Variants in SCRIB observed in about 807,000 individuals in gnomAD.
The protein encoded by SCRIB is protein scribble homolog.
In SCRIB, 72 loss-of-function variants were observed where a neutral mutation model predicts 170.0. The observed-to-expected ratio is 0.42, with a 90% CI of 0.35 to 0.52. The LOEUF (loss-of-function observed/expected upper bound fraction) is 0.52, where lower values mean the gene tolerates loss of function less well. Among genes scored for constraint, SCRIB ranks in the 20% least tolerant of loss-of-function variants. SCRIB has a pLI of 0.02. For missense variants in SCRIB, 2,475 were observed against 2,338.5 expected, an observed-to-expected ratio of 1.06 and a Z score of -1.20; for synonymous variants, 1,298 against 1,044.3, an observed-to-expected ratio of 1.24 and a Z score of -4.68.
intron 29 of SCRIB, 36 bp from the exon 30 acceptor site, chr8:143,792,903 C>T (rs1460625923): frequency 6.7e-6 from 10 of 1,500,074 alleles, no homozygotes; most frequent in Non-Finnish European, 8.9e-6. Context: ...GGCTGGCATT[C>T]CTCCGAGATA....
rs530073620 is a variant in SCRIB, at chr8:143,808,851, C to T, written c.1873G>A (p.Val625Ile). 18 of 1,610,562 alleles carry T rather than the reference C, an allele frequency of 1.1e-5. No homozygotes were observed. Among genetic ancestry groups the T allele is most frequent in the Admixed American group, 1.7e-5 (1 of 60,006 alleles). ...TGCATGCCCTGCAGCAGAGCCACAACGGCCTCGGGCTGGGGCAGCTTGGAG... is the reference window on the plus strand; with the variant it reads ...TGCATGCCCTGCAGCAGAGCCACAATGGCCTCGGGCTGGGGCAGCTTGGAG... The part of the protein sequence containing the change: ...KISKLPQPEA[V>I]VALLQGMQPD... Residue 625 changes from valine to isoleucine, a missense_variant, in exon 15 of 37, where the codon GTT becomes ATT. Coordinates refer to ENST00000356994, the MANE Select transcript of SCRIB (RefSeq NM_182706.5).
chr8:143,791,224 A>G lies in SCRIB; in HGVS notation c.4907T>C (p.Leu1636Pro). The stretch of plus-strand genomic sequence containing the variant: ...CCTTACGGGGCGGCGGCTGCTGCAC[A>G]GTGCCACATCTTCAGGGCCCACAGC... Reference protein sequence around the residue: ...PGAVGPEDVALCSSRRPVRPG... With the variant: ...PGAVGPEDVAPCSSRRPVRPG... Residue 1636 changes from leucine to proline, a missense_variant, in exon 37 of 37, where the codon CTG becomes CCG. Physicochemically the swap from Leu to Pro is moderately conservative, Grantham distance 98. This residue lies in a region of SCRIB where 1,966 missense variants were observed against 1,742.9 expected (regional missense o/e 1.13). Transcript: ENST00000356994. 6.8e-7 allele frequency: 1 copy of G among 1,470,862 alleles called. No individual in the cohort carries two copies. Among genetic ancestry groups the G allele is most frequent in the Admixed American group, 2.6e-5 (1 of 38,190 alleles). The allele number at this position is 1,470,862 out of a possible 1,614,324, so 91.1% of individuals were successfully genotyped here.
intron 24 of SCRIB, 126 bp from the exon 25 acceptor site, chr8:143,795,656 G>A: frequency 2.4e-6 from 2 of 817,500 alleles, no homozygotes; most frequent in South Asian, 3.1e-5. Context: ...CCTGGGCAGG[G>A]CTGACCGCGT....
Position 143,815,459 on chromosome 8 carries a change from C to A in SCRIB, c.-87G>T. ...GGGCTCAGTCCGCATGGGCGCCGCG[C>A]ATGGGGAGGGGGCGCAGGCAGGGGG... On this transcript the variant is annotated 5_prime_UTR_variant, in exon 1 of 37. An upstream start codon of the reference 5' UTR is lost. Transcript: ENST00000356994. 9.2e-7 allele frequency: 1 copy of A among 1,086,052 alleles called. No homozygotes were observed. The highest frequency in any genetic ancestry group is 1.1e-6 in the Non-Finnish European group (1 of 891,908). The allele number at this position is 1,086,052 out of a possible 1,614,324, so 67.3% of individuals were successfully genotyped here.
Position 143,815,750 on chromosome 8 carries a change from G to A in SCRIB, c.-378C>T. On this transcript the variant is annotated 5_prime_UTR_variant, in exon 1 of 37. Coordinates refer to ENST00000356994, the MANE Select transcript of SCRIB (RefSeq NM_182706.5). ...CCGCCGACACCCACCCGGCCGCCGCGCAGCCCGTCGGGAAGCCGAGTCCGG... is the reference window on the plus strand; with the variant it reads ...CCGCCGACACCCACCCGGCCGCCGCACAGCCCGTCGGGAAGCCGAGTCCGG... The A allele has an allele frequency of 6.1e-6, 6 of 983,300 alleles. No homozygotes were observed. Among genetic ancestry groups the A allele is most frequent in the Non-Finnish European group, 7.2e-6 (6 of 829,286 alleles). The allele number at this position is 983,300 out of a possible 1,614,324, so 60.9% of individuals were successfully genotyped here. A position where few individuals can be genotyped will look rare whatever the true frequency, so the allele number is the denominator to read the frequency against.
At chr8:143,796,137 A>G (rs1199451841) in intron 24 of SCRIB, among the ~76,000 whole-genome samples, 2 of 152,210 alleles carry the variant, frequency 1.3e-5, no homozygotes, top group African/African-American at 2.4e-5. Flanking sequence ...AGACAGGGCC[A>G]GGACAGGCAG....
Position 143,803,445 on chromosome 8 carries a change from C to T in SCRIB, c.3541G>A (p.Gly1181Ser). Residue 1181 changes from glycine to serine, a missense_variant, in exon 24 of 37, where the codon GGC becomes AGC. By Grantham distance (56) the Gly-to-Ser change is moderately conservative (BLOSUM62 0). Around this residue, in one of 3 missense-constraint regions of SCRIB, gnomAD observed 1,966 missense variants for 1,742.9 expected, o/e 1.13. Transcript: ENST00000356994. ...CAGACCAGCACGGTGAGGGTGTCGC[C>T]CACACTGCGGAGCAGCTGCACCGCC... is the stretch of plus-strand genomic sequence containing the variant. ...GEAVQLLRSV[G>S]DTLTVLVCDG... 1 of 1,597,414 alleles carries T rather than the reference C, an allele frequency of 6.3e-7. No homozygotes were observed. The highest frequency in any genetic ancestry group is 8.5e-7 in the Non-Finnish European group (1 of 1,178,074).
chr8:143,806,341 A>G (rs1424520076), intron 18 of SCRIB, 66 bp downstream of exon 18: 45 of 1,306,880 alleles, frequency 3.4e-5, no homozygotes, highest in Non-Finnish European at 4.7e-5. Context: ...AAGCACCCTA[A>G]TACCAGGGAC....
Position 143,791,759 on chromosome 8 carries a change from G to T in SCRIB, c.4696-19C>A. 1 of 1,586,228 alleles carries T rather than the reference G, an allele frequency of 6.3e-7. No individual in the cohort carries two copies. Among genetic ancestry groups the T allele is most frequent in the South Asian group, 1.1e-5 (1 of 90,274 alleles). ...ACAAGGGCTTGAAAGGACAGCGTGA[G>T]GGGAGAGGCAGAGAGTGAGAGGAAA... On this transcript the variant is annotated intron_variant, in intron 34 of 36. Transcript: ENST00000356994.
At chr8:143,806,783 C>G in intron 17 of SCRIB, 141 bp downstream of exon 17, 1 of 686,818 alleles carries the variant, frequency 1.5e-6, no homozygotes, top group Non-Finnish European at 2.4e-6. Flanking sequence ...TTCGGGATCC[C>G]ACAACAGTAG....
chr8:143,801,577 A>T (rs1393296631), intron 24 of SCRIB, among the ~76,000 whole-genome samples: 7 of 152,232 alleles, frequency 4.6e-5, no homozygotes, highest in African/African-American at 1.7e-4. Context: ...CGCTGCAGAA[A>T]AACACACCTG....
At position 143,808,679 on chromosome 8, in the gene SCRIB, GCCCTGTTTT is replaced by G; in HGVS notation, c.2036_2044del (p.Glu679_Arg681del). ...CTCAGTGCTGGCCTCTTCCTCTTCA[GCCCTGTTTT>G]CCTCCTCCTCCTCTTCCTCCTCCTC... On this transcript the variant is annotated inframe_deletion, in exon 15 of 37. Coordinates refer to ENST00000356994, the MANE Select transcript of SCRIB (RefSeq NM_182706.5). 1 of 1,542,746 alleles carries G rather than the reference GCCCTGTTTT, an allele frequency of 6.5e-7. No individual in the cohort carries two copies. The highest frequency in any genetic ancestry group is 8.7e-7 in the Non-Finnish European group (1 of 1,147,538).
intron 17 of SCRIB, 101 bp downstream of exon 17, chr8:143,806,823 G>T: frequency 2.3e-6 from 2 of 871,388 alleles, no homozygotes; most frequent in Non-Finnish European, 3.6e-6. Context: ...TGTCCCCAGA[G>T]CGTGTGAGTG....
chr8:143,799,036 T>C (rs1032949763), intron 24 of SCRIB, among the ~76,000 whole-genome samples: 1 of 152,170 alleles, frequency 6.6e-6, no homozygotes, highest in African/African-American at 2.4e-5. Flanking sequence ...GACTCATAAG[T>C]TCACGAAAAC....
At chr8:143,805,695 T>A (rs1215403567) in intron 18 of SCRIB, among the ~76,000 whole-genome samples, 2 of 152,144 alleles carry the variant, frequency 1.3e-5, no homozygotes, top group African/African-American at 4.8e-5. Flanking sequence ...GGCAAGCAGA[T>A]GCCCCCACGG....
intron 27 of SCRIB, among the ~76,000 whole-genome samples, chr8:143,794,744 G>T (rs1814866570): frequency 6.6e-6 from 1 of 152,092 alleles, no homozygotes. Context: ...GGGCTGGGCA[G>T]CCCCAGCAGC....
At position 143,808,632 on chromosome 8, in the gene SCRIB, C is replaced by T. The variant is rs570321399; in HGVS notation, c.2092G>A (p.Val698Met). 3.2e-5 allele frequency: 48 copies of T among 1,511,738 alleles called. No individual in the cohort carries two copies. The South Asian group carries it at 3.8e-4, about 12-fold the overall frequency. The allele number at this position is 1,511,738 out of a possible 1,614,324, so 93.6% of individuals were successfully genotyped here. A position where few individuals can be genotyped will look rare whatever the true frequency, so the allele number is the denominator to read the frequency against. Residue 698 changes from valine (V) to methionine (M), a missense_variant, in exon 15 of 37, where the codon GTG becomes ATG. By Grantham distance (21) the Val-to-Met change is conservative. Coordinates refer to ENST00000356994, the MANE Select transcript of SCRIB (RefSeq NM_182706.5). ...ACCTTGACAGAGGGCGCAGAAACCA[C>T]GGCCCCCTCCTTGTCCTCCTCCTCA... The part of the protein sequence containing the change: ...STEEEDKEGA[V>M]VSAPSVKGVS...
intron 9 of SCRIB, among the ~76,000 whole-genome samples, 195 bp downstream of exon 9, chr8:143,812,071 C>T (rs1367625106): frequency 5.9e-5 from 9 of 152,192 alleles, no homozygotes; most frequent in South Asian, 4.1e-4. Context: ...ACGGCAAAGG[C>T]CCCTGCCCTG....
At chr8:143,791,773 A>G (rs1291253347) in intron 34 of SCRIB, 33 bp from the exon 35 acceptor site, 3 of 1,302,392 alleles carry the variant, frequency 2.3e-6, no homozygotes, top group Non-Finnish European at 3.2e-6. Flanking sequence ...AGAGGCAGAG[A>G]GTGAGAGGAA....
Sources: allele counts gnomAD v4.1 joint callset (sites outside exome capture counted in the v4.1 genomes callset), GRCh38; gene constraint gnomAD v4.1.1; regional missense constraint gnomAD v4.1.1; transcripts MANE v1.5; gene names NCBI Gene and HGNC (gene_info 2026-07-23, HGNC 2026-07-21).